The following PTCH1 variants were observed in gnomAD, a reference collection of about 807,000 sequenced individuals.
PTCH1 encodes the protein patched 1.
Under a neutral mutation model 144.6 loss-of-function variants are expected in PTCH1, and 14 were observed. That is an observed-to-expected ratio of 0.10 (90% confidence interval 0.06 to 0.15). The LOEUF (loss-of-function observed/expected upper bound fraction) is 0.15. Ranked by LOEUF, PTCH1 falls within the 10% of genes least tolerant of loss-of-function variation. PTCH1 has a pLI of 1.00. For missense variants in PTCH1, 1,623 were observed against 1,948.3 expected, an observed-to-expected ratio of 0.83 and a Z score of 3.14; for synonymous variants, 833 against 793.6, an observed-to-expected ratio of 1.05 and a Z score of -0.83.
At position 95,476,547 on chromosome 9, in the gene PTCH1, G is replaced by A. The variant is rs1210109330; in HGVS notation, c.1602+212C>T. On this transcript the variant is annotated intron_variant, in intron 11 of 23. Transcript: ENST00000331920. The surrounding 1 kb of genome is among the most constrained non-coding windows in gnomAD (Gnocchi z 4.6). ...AAAACAAACACCCGTATTCCTAAAG[G>A]CACCCGAGATGCAGCTCTTGGGACT... Among the ~76,000 whole-genome samples the A allele has an allele frequency of 6.6e-6, 1 of 152,086 alleles. No individual in the cohort carries two copies. The highest frequency in any genetic ancestry group is 1.5e-5 in the Non-Finnish European group (1 of 68,012).
chr9:95,453,697 C>T (rs777490923), intron 19 of PTCH1, 77 bp from the exon 20 acceptor site: 191 of 1,586,900 alleles, frequency 1.2e-4, no homozygotes, highest in Middle Eastern at 3.3e-4. Flanking sequence ...CTAAATGTTA[C>T]AAGCTCTCAG....
Position 95,449,973 on chromosome 9 carries a change from T to G in PTCH1, c.3450-33A>C. ...ATCAAGAGGAAACGGGAACACGCGC[T>G]GTGACAGGGTGGATCGCGCCACCCT... On this transcript the variant is annotated intron_variant, in intron 20 of 23. Coordinates refer to ENST00000331920, the MANE Select transcript of PTCH1 (RefSeq NM_000264.5). The surrounding 1 kb of genome is among the most constrained non-coding windows in gnomAD (Gnocchi z 5.3). 1 of 1,584,694 alleles carries G rather than the reference T, an allele frequency of 6.3e-7. No individual in the cohort carries two copies. Among genetic ancestry groups the G allele is most frequent in the Non-Finnish European group, 8.7e-7 (1 of 1,154,112 alleles).
rs147428149 is a variant in PTCH1, at chr9:95,446,308, C to T, written c.*85G>A. On this transcript the variant is annotated 3_prime_UTR_variant, in exon 24 of 24. Coordinates refer to ENST00000331920, the MANE Select transcript of PTCH1 (RefSeq NM_000264.5). The stretch of plus-strand genomic sequence containing the variant: ...CAGGGCATCTTTTCCATAACTCCAA[C>T]CAGTTCTCTTCAAGCAGTTCTGGAA... The T allele has an allele frequency of 1.8e-3, 916 of 510,642 alleles. 5 individuals are homozygous for T. Among genetic ancestry groups the T allele is most frequent in the African/African-American group, 0.015 (802 of 51,766 alleles). 31.6% of individuals were successfully genotyped at this position (510,642 alleles called of 1,614,324 possible).
intron 2 of PTCH1, 148 bp downstream of exon 2, chr9:95,506,259 A>C: frequency 2.6e-4 from 211 of 813,462 alleles, no homozygotes; most frequent in East Asian, 9.1e-4. Context: ...GCTCCCGGCC[A>C]GGCGCCCAAA....
At chr9:95,514,623 T>TAG (rs952255422) in intron 1 of PTCH1, 4 of 127,178 alleles carry the variant, frequency 3.1e-5, no homozygotes, top group African/African-American at 1.3e-4. Context: ...AAATAAAAGG[T>TAG]GTGTGTGTGT....
In PTCH1 at chr9:95,507,009, C is replaced by G. The variant is rs1167706909; in HGVS notation, c.202-410G>C. On this transcript the variant is annotated intron_variant, in intron 1 of 23. Coordinates refer to ENST00000331920, the MANE Select transcript of PTCH1 (RefSeq NM_000264.5). ...AAGGTTCAGGAGCCAGCAAACCAGT[C>G]CTGCTCTGTCCATCACCCTCGGGGA... The G allele has an allele frequency of 6.0e-6, 6 of 993,430 alleles. No homozygotes were observed. The South Asian group carries it at 1.9e-4, about 31-fold the overall frequency. 61.5% of individuals were successfully genotyped at this position (993,430 alleles called of 1,614,324 possible).
chr9:95,495,197 TG>T (rs1364569936), intron 2 of PTCH1: 13 of 152,182 alleles, frequency 8.5e-5, no homozygotes, highest in Admixed American at 8.5e-4. Flanking sequence ...CCTGGTGCCG[TG>T]AGGAAGTTTC....
At chr9:95,450,976 TA>T (rs1369998922) in intron 20 of PTCH1, 1 of 150,834 alleles carries the variant, frequency 6.6e-6, no homozygotes, top group African/African-American at 2.4e-5. Flanking sequence ...TGGGCTGGGG[TA>T]GGGGAGAGGC....
chr9:95,508,072 A>C, intron 1 of PTCH1, 89 bp downstream of exon 1: 4 of 1,581,194 alleles, frequency 2.5e-6, no homozygotes, highest in Non-Finnish European at 2.6e-6. Flanking sequence ...AGAGAGAGGA[A>C]GAGAGTGTGT....
intron 12 of PTCH1, 131 bp downstream of exon 12, chr9:95,475,903 A>G (rs1840989661): frequency 7.1e-7 from 1 of 1,409,202 alleles, no homozygotes; most frequent in South Asian, 1.2e-5. Context: ...AGTTAAACAG[A>G]GCCTCAAACA....
In PTCH1 at chr9:95,469,999, A is replaced by G; in HGVS notation, c.1729-68T>C. ...GCCCAATCAGAGGACTGCTTCGAAA[A>G]TAAAGATGCTTTTAAACAATATTTT... is the stretch of plus-strand genomic sequence containing the variant. On this transcript the variant is annotated intron_variant, in intron 12 of 23. Transcript: ENST00000331920. 3.6e-6 allele frequency: 4 copies of G among 1,121,156 alleles called. No homozygotes were observed. In the Admixed American group the frequency reaches 6.8e-5, roughly 19 times the overall value. The allele number at this position is 1,121,156 out of a possible 1,614,324, so 69.5% of individuals were successfully genotyped here.
chr9:95,476,928 G>A lies in PTCH1; in HGVS notation c.1504-71C>T. 1 of 1,437,390 alleles carries A rather than the reference G, an allele frequency of 7.0e-7. No homozygotes were observed. Among genetic ancestry groups the A allele is most frequent in the Non-Finnish European group, 9.7e-7 (1 of 1,034,062 alleles). 89.0% of individuals were successfully genotyped at this position (1,437,390 alleles called of 1,614,324 possible). On this transcript the variant is annotated intron_variant, in intron 10 of 23. Coordinates refer to ENST00000331920, the MANE Select transcript of PTCH1 (RefSeq NM_000264.5). This position sits in a 1 kb window ranked among gnomAD's most constrained non-coding sequence, Gnocchi z 4.6. Reference sequence around the variant, plus strand: ...ATTCAGATGATTCTAAAGCTAGTTAGGACTCTGCCACCAGCACCTAACAGC... The same window carrying A: ...ATTCAGATGATTCTAAAGCTAGTTAAGACTCTGCCACCAGCACCTAACAGC...
chr9:95,476,248 A>G lies in PTCH1; in HGVS notation c.1603-89T>C. On this transcript the variant is annotated intron_variant, in intron 11 of 23. Coordinates refer to ENST00000331920, the MANE Select transcript of PTCH1 (RefSeq NM_000264.5). The surrounding 1 kb of genome is among the most constrained non-coding windows in gnomAD (Gnocchi z 4.6). ...GTGTGAGCAGATACGTGGCAGAATAACACAACTGTTATTACAGCTTATCAT... is the reference window on the plus strand; with the variant it reads ...GTGTGAGCAGATACGTGGCAGAATAGCACAACTGTTATTACAGCTTATCAT... The G allele has an allele frequency of 6.5e-7, 1 of 1,530,096 alleles. No individual in the cohort carries two copies. The highest frequency in any genetic ancestry group is 8.8e-7 in the Non-Finnish European group (1 of 1,134,754). The allele number at this position is 1,530,096 out of a possible 1,614,324, so 94.8% of individuals were successfully genotyped here. A position where few individuals can be genotyped will look rare whatever the true frequency, so the allele number is the denominator to read the frequency against.
At chr9:95,511,398 G>A (rs549818134), upstream of PTCH1, among the ~76,000 whole-genome samples, 6 of 152,174 alleles carry the variant, frequency 3.9e-5, no homozygotes, top group East Asian at 1.9e-4. Context: ...CCCTTCCCCC[G>A]ACCCCCTAAC....
chr9:95,516,609 C>T (rs1001376097), exon 1 of PTCH1: 2 of 1,602,588 alleles, frequency 1.2e-6, no homozygotes, highest in Admixed American at 1.8e-5. Flanking sequence ...AGTCTTCCCT[C>T]GTCTCCCCCT....
chr9:95,490,557 A>AC (rs1564069050), intron 2 of PTCH1, among the ~76,000 whole-genome samples: 40 of 147,716 alleles, frequency 2.7e-4, no homozygotes, highest in South Asian at 8.5e-4. Context: ...ACACACACAC[A>AC]AAAGAAAGAT....
chr9:95,486,130 T>G (rs1346520688), intron 2 of PTCH1, among the ~76,000 whole-genome samples: 1 of 151,236 alleles, frequency 6.6e-6, no homozygotes, highest in East Asian at 1.9e-4. Flanking sequence ...ACTAATACAC[T>G]GTGTGACGAA....
intron 2 of PTCH1, chr9:95,494,162 C>T: frequency 1.0e-6 from 1 of 975,842 alleles, no homozygotes; most frequent in African/African-American, 1.7e-5. Flanking sequence ...CGCGCATGCG[C>T]CGGAAGCAAG....
intron 14 of PTCH1, 22 bp from the exon 15 acceptor site, chr9:95,467,447 G>A: frequency 6.2e-7 from 1 of 1,611,886 alleles, no homozygotes; most frequent in South Asian, 1.1e-5. Context: ...GAGGCACAAG[G>A]TCAGACCCCA....
Sources: gnomAD v4.1 joint callset for allele counts (sites outside exome capture counted in the v4.1 genomes callset) on GRCh38, gnomAD v4.1.1 for gene constraint, Gnocchi (gnomAD v3.1) non-coding constraint, MANE v1.5 for transcripts, NCBI Gene and HGNC (gene_info 2026-07-23, HGNC 2026-07-21) for gene names.